Variants in ZFYVE9 observed in about 807,000 individuals in gnomAD.
The protein encoded by ZFYVE9 is zinc finger FYVE domain-containing protein 9.
Under a neutral mutation model 126.7 loss-of-function variants are expected in ZFYVE9, and 43 were observed. That is an observed-to-expected ratio of 0.34 (90% CI 0.27 to 0.44). The LOEUF (loss-of-function observed/expected upper bound fraction) is 0.44. Among genes scored for constraint, ZFYVE9 ranks in the 20% least tolerant of loss-of-function variants. ZFYVE9 has a pLI of 1.00. For synonymous variants in ZFYVE9, 521 were observed against 597.4 expected (o/e 0.87, Z 1.87); for missense variants, 1,476 against 1,697.0 (o/e 0.87, Z 2.29).
At chr1:52,153,682 A>C (rs1028247443) in intron 1 of ZFYVE9, among the ~76,000 whole-genome samples, 1 of 152,182 alleles carries the variant, frequency 6.6e-6, no homozygotes, top group Non-Finnish European at 1.5e-5. Context: ...GGACACAAGG[A>C]ATACTCAGTA....
intron 1 of ZFYVE9, among the ~76,000 whole-genome samples, chr1:52,190,481 A>G (rs148182675): frequency 1.3e-5 from 2 of 152,318 alleles, no homozygotes; most frequent in South Asian, 2.1e-4. Context: ...CTGTATGTTA[A>G]TACTGTTGAT....
Position 52,334,681 on chromosome 1 carries a change from GT to G in ZFYVE9, c.3590-3del. 1 of 1,613,496 alleles carries G rather than the reference GT, an allele frequency of 6.2e-7. No individual in the cohort carries two copies. Among genetic ancestry groups the G allele is most frequent in the South Asian group, 1.1e-5 (1 of 91,048 alleles). ...GTCTTACTAAACTATTTCTATTGCTGTTTTAGTGACTGGTGCCAGTTTCTTT... is the reference window on the plus strand; with the variant it reads ...GTCTTACTAAACTATTTCTATTGCTGTTTAGTGACTGGTGCCAGTTTCTTT... On this transcript the variant is annotated splice_region_variant and splice_polypyrimidine_tract_variant and intron_variant, in intron 14 of 18. Coordinates refer to ENST00000287727, the MANE Select transcript of ZFYVE9 (RefSeq NM_004799.4).
At chr1:52,224,306 G>T (rs1645150337) in intron 2 of ZFYVE9, among the ~76,000 whole-genome samples, 1 of 152,106 alleles carries the variant, frequency 6.6e-6, no homozygotes, top group South Asian at 2.1e-4. Context: ...TCAGCTTGGG[G>T]TGGAGGGGTA....
chr1:52,285,527 C>T (rs753742610), intron 10 of ZFYVE9, among the ~76,000 whole-genome samples: 3 of 152,034 alleles, frequency 2.0e-5, no homozygotes, highest in Non-Finnish European at 4.4e-5. Context: ...CATAGAAGTG[C>T]GAACCCTGTT....
chr1:52,304,052 C>G, intron 13 of ZFYVE9, 127 bp downstream of exon 13: 1 of 534,778 alleles, frequency 1.9e-6, no homozygotes, highest in Non-Finnish European at 3.0e-6. Flanking sequence ...TATTGTATGG[C>G]TTAGTTCAAT....
chr1:52,182,073 GCTGCC>G (rs1644713727), intron 1 of ZFYVE9, among the ~76,000 whole-genome samples: 1 of 151,452 alleles, frequency 6.6e-6, no homozygotes, highest in Non-Finnish European at 1.5e-5. Context: ...CGCCCGGCCA[GCTGCC>G]CCGTCCGGAG....
Position 52,263,766 on chromosome 1 carries a change from C to CCA in ZFYVE9, c.2179-6_2179-5insAC, listed in dbSNP as rs1553130227. On this transcript the variant is annotated splice_polypyrimidine_tract_variant and splice_region_variant and intron_variant, in intron 4 of 18. Transcript: ENST00000287727. ...TTTGTGTGTTCTTCCCCCCCCCCCCCCCACAGGTTTTCTGTGCTTCCTGCT... is the reference window on the plus strand; with the variant it reads ...TTTGTGTGTTCTTCCCCCCCCCCCCCCACCACAGGTTTTCTGTGCTTCCTGCT... 8.2e-7 allele frequency: 1 copy of CCA among 1,221,862 alleles called. No individual in the cohort carries two copies. The highest frequency in any genetic ancestry group is 1.1e-6 in the Non-Finnish European group (1 of 883,268). 75.7% of individuals were successfully genotyped at this position (1,221,862 alleles called of 1,614,324 possible). A position where few individuals can be genotyped will look rare whatever the true frequency, so the allele number is the denominator to read the frequency against.
chr1:52,196,735 G>A (rs1415015225), intron 1 of ZFYVE9, among the ~76,000 whole-genome samples: 1 of 152,014 alleles, frequency 6.6e-6, no homozygotes, highest in African/African-American at 2.4e-5. Flanking sequence ...ATTTTTTAGT[G>A]GTATTTATTA....
chr1:52,338,300 G>A (rs963576566), intron 16 of ZFYVE9, among the ~76,000 whole-genome samples: 2 of 152,152 alleles, frequency 1.3e-5, no homozygotes, highest in African/African-American at 4.8e-5. Flanking sequence ...GAGTAAACAA[G>A]TACCAAAAGG....
intron 4 of ZFYVE9, 24 bp from the exon 5 acceptor site, chr1:52,263,749 T>G: frequency 8.9e-7 from 1 of 1,123,570 alleles, no homozygotes; most frequent in Non-Finnish European, 1.3e-6. Flanking sequence ...ATTTTGTGTG[T>G]TCTTCCCCCC....
intron 13 of ZFYVE9, among the ~76,000 whole-genome samples, chr1:52,307,684 T>C (rs1029933754): frequency 6.6e-6 from 1 of 152,158 alleles, no homozygotes; most frequent in Non-Finnish European, 1.5e-5. Flanking sequence ...TTTCTTGTCA[T>C]TTATTTTATG....
At chr1:52,182,765 T>TAA (rs34582292) in intron 1 of ZFYVE9, among the ~76,000 whole-genome samples, 11 of 150,452 alleles carry the variant, frequency 7.3e-5, no homozygotes, top group African/African-American at 2.4e-4. Context: ...AAATAAAAAA[T>TAA]AAAAAAAAAT....
chr1:52,142,857 C>A lies in ZFYVE9; in HGVS notation c.-143+454C>A, dbSNP rs985428890. ...GGGGAAAGGGGGAGGAGAGGAAGGC[C>A]AGGGTGAGAATTGGGGGTGCAGAGA... On this transcript the variant is annotated intron_variant, in intron 1 of 18. Transcript: ENST00000287727. The surrounding 1 kb of genome is among the most constrained non-coding windows in gnomAD (Gnocchi z 4.5). 6.6e-6 allele frequency among the ~76,000 whole-genome samples: 1 copy of A among 152,062 alleles called. No homozygotes were observed. The highest frequency in any genetic ancestry group is 2.1e-4 in the South Asian group (1 of 4,822).
At chr1:52,270,785 G>T (rs977136789) in intron 7 of ZFYVE9, among the ~76,000 whole-genome samples, 1 of 147,332 alleles carries the variant, frequency 6.8e-6, no homozygotes, top group Admixed American at 6.7e-5. Context: ...CTCTCAATTT[G>T]TATTTGTCTG....
chr1:52,205,543 T>TC (rs1260621632), intron 1 of ZFYVE9, among the ~76,000 whole-genome samples: 1 of 151,366 alleles, frequency 6.6e-6, no homozygotes, highest in Non-Finnish European at 1.5e-5. Flanking sequence ...AAATTTTTTT[T>TC]TTTTTTTTAA....
chr1:52,273,129 C>T (rs890923691), intron 7 of ZFYVE9, among the ~76,000 whole-genome samples: 8 of 152,102 alleles, frequency 5.3e-5, no homozygotes, highest in African/African-American at 1.9e-4. Flanking sequence ...GCCTCAGCCT[C>T]CCTAGTAGCT....
chr1:52,314,793 C>T (rs1336283751), intron 13 of ZFYVE9, among the ~76,000 whole-genome samples: 1 of 151,588 alleles, frequency 6.6e-6, no homozygotes, highest in Non-Finnish European at 1.5e-5. Context: ...ACTTGGACTA[C>T]AGAGTGAGAC....
Position 52,303,888 on chromosome 1 carries a change from A to G in ZFYVE9, c.3401A>G (p.Lys1134Arg). The G allele has an allele frequency of 1.2e-6, 2 of 1,600,718 alleles. No individual in the cohort carries two copies. The highest frequency in any genetic ancestry group is 1.7e-6 in the Non-Finnish European group (2 of 1,173,704). Residue 1134 changes from lysine (K) to arginine (R), a missense_variant, in exon 13 of 19, where the codon AAA becomes AGA. Coordinates refer to ENST00000287727, the MANE Select transcript of ZFYVE9 (RefSeq NM_004799.4). ...QGLVVDMEVR[K>R]TSIKIPSNRY... ...TTGGTGGTTGATATGGAAGTTCGGA[A>G]AACTAGCATCAAAATTCCCAGCAAC...
At chr1:52,284,007 G>C (rs544198338) in intron 10 of ZFYVE9, among the ~76,000 whole-genome samples, 1 of 152,284 alleles carries the variant, frequency 6.6e-6, no homozygotes, top group South Asian at 2.1e-4. Flanking sequence ...AATTCAGTAG[G>C]ATTTGGTAAC....
Sources: gnomAD v4.1 joint callset for allele counts (sites outside exome capture counted in the v4.1 genomes callset) on GRCh38, gnomAD v4.1.1 for gene constraint, Gnocchi (gnomAD v3.1) non-coding constraint, MANE v1.5 for transcripts, NCBI Gene and HGNC (gene_info 2026-07-23, HGNC 2026-07-21) for gene names.